The following NALF1 variants were observed in gnomAD, a reference collection of about 807,000 sequenced individuals.
NALF1 encodes family with sequence similarity 155 member A.
NALF1 carries 3 observed loss-of-function variants against 48.4 expected under a neutral mutation model. The ratio of observed to expected loss-of-function variants is 0.06; its 90% CI spans 0.03 to 0.16. NALF1 has a LOEUF of 0.16. NALF1 is among the 10% of genes least tolerant of loss of function. NALF1 has a pLI of 1.00. For missense variants in NALF1, 526 were observed against 571.5 expected, an observed-to-expected ratio of 0.92 and a Z score of 0.81; for synonymous variants, 262 against 245.7, an observed-to-expected ratio of 1.07 and a Z score of -0.62.
intron 1 of NALF1, among the ~76,000 whole-genome samples, chr13:107,482,047 G>T (rs1490227843): frequency 6.6e-6 from 1 of 152,106 alleles, no homozygotes; most frequent in Admixed American, 6.6e-5. Flanking sequence ...CACCTATCTA[G>T]ATGTCACTGT....
At chr13:107,709,341 G>A (rs919974473) in intron 1 of NALF1, among the ~76,000 whole-genome samples, 7 of 152,174 alleles carry the variant, frequency 4.6e-5, no homozygotes, top group East Asian at 1.9e-4. Flanking sequence ...TTGTTCATGC[G>A]TGTCAGCACG....
At chr13:107,608,531 AG>A (rs2138430102) in intron 1 of NALF1, among the ~76,000 whole-genome samples, 1 of 152,306 alleles carries the variant, frequency 6.6e-6, no homozygotes, top group African/African-American at 2.4e-5. Flanking sequence ...TGTTACTTAA[AG>A]GGGAGTTTTG....
intron 1 of NALF1, among the ~76,000 whole-genome samples, chr13:107,351,083 C>G (rs994547991): frequency 2.6e-5 from 4 of 152,182 alleles, no homozygotes; most frequent in Admixed American, 2.6e-4. Context: ...ATATCAGTGG[C>G]CGGTAAACCT....
rs575855777 is a variant in NALF1 at position 107,866,633 on chromosome 13, G to C, written c.-37C>G. The C allele has an allele frequency of 6.4e-7, 1 of 1,552,502 alleles. No individual in the cohort carries two copies. The highest frequency in any genetic ancestry group is 8.7e-7 in the Non-Finnish European group (1 of 1,152,234). ...GCACAGCCCTGGCCGACTCCACCGTGAGGGCGCCTGTGCCGGTGTCACCAC... is the reference window on the plus strand; with the variant it reads ...GCACAGCCCTGGCCGACTCCACCGTCAGGGCGCCTGTGCCGGTGTCACCAC... On this transcript the variant is annotated 5_prime_UTR_variant, in exon 1 of 3. It introduces an in-frame stop codon into an upstream open reading frame of the 5' UTR. Coordinates refer to ENST00000375915, the MANE Select transcript of NALF1 (RefSeq NM_001080396.3). The surrounding 1 kb of genome is among the most constrained non-coding windows in gnomAD (Gnocchi z 4.4).
chr13:107,248,214 C>T (rs973219869), intron 1 of NALF1, among the ~76,000 whole-genome samples: 19 of 148,982 alleles, frequency 1.3e-4, no homozygotes, highest in African/African-American at 3.5e-4. Context: ...CAAAGGAGAT[C>T]GTCATAGGGC....
chr13:107,818,057 T>C (rs1879225920), intron 1 of NALF1, among the ~76,000 whole-genome samples: 1 of 152,226 alleles, frequency 6.6e-6, no homozygotes, highest in South Asian at 2.1e-4. Context: ...TCTTGAATTC[T>C]CCCTTCAGGT....
chr13:107,578,491 G>A (rs950602201), intron 1 of NALF1, among the ~76,000 whole-genome samples: 1 of 152,022 alleles, frequency 6.6e-6, no homozygotes, highest in Non-Finnish European at 1.5e-5. Flanking sequence ...TGGAACAAAT[G>A]TTTTGAATTC....
intron 1 of NALF1, among the ~76,000 whole-genome samples, chr13:107,277,229 A>G (rs1881299114): frequency 1.3e-5 from 2 of 152,310 alleles, no homozygotes; most frequent in East Asian, 1.9e-4. Context: ...TTTGAAGACT[A>G]TATTTTAAAA....
chr13:107,314,262 C>T (rs1202674195), intron 1 of NALF1, among the ~76,000 whole-genome samples: 2 of 152,108 alleles, frequency 1.3e-5, no homozygotes, highest in African/African-American at 2.4e-5. Flanking sequence ...CTTTAGGCCC[C>T]CAGCTGGCCT....
chr13:107,464,173 T>G (rs1324018048), intron 1 of NALF1, among the ~76,000 whole-genome samples: 1 of 152,110 alleles, frequency 6.6e-6, no homozygotes, highest in Non-Finnish European at 1.5e-5. Flanking sequence ...GTTCCATGAA[T>G]GTCTATTTTT....
intron 1 of NALF1, among the ~76,000 whole-genome samples, chr13:107,608,593 T>A (rs1302584018): frequency 1.3e-5 from 2 of 152,134 alleles, no homozygotes; most frequent in Non-Finnish European, 2.9e-5. Flanking sequence ...ATTGGGTGGT[T>A]GGGGGAAGCC....
At chr13:107,784,440 G>GA (rs1160375677) in intron 1 of NALF1, among the ~76,000 whole-genome samples, 4 of 152,042 alleles carry the variant, frequency 2.6e-5, no homozygotes, top group Non-Finnish European at 5.9e-5. Flanking sequence ...ATATAGAATA[G>GA]AAAGCTCCTC....
chr13:107,818,669 G>C (rs994530969), intron 1 of NALF1, among the ~76,000 whole-genome samples: 1 of 148,644 alleles, frequency 6.7e-6, no homozygotes, highest in African/African-American at 2.5e-5. Context: ...TCAGGAGATC[G>C]AGACCATCCT....
At chr13:107,503,742 GGTGTGTGTGTTTGTGTGTGTGT>G (rs1363163936) in intron 1 of NALF1, among the ~76,000 whole-genome samples, 9 of 78,968 alleles carry the variant, frequency 1.1e-4, no homozygotes, top group Non-Finnish European at 2.1e-4. Flanking sequence ...ATGTGTGTCT[GGTGTGTGTGTTTGTGTGTGTGT>G]GTGTGTGTGT....
At chr13:107,501,550 A>G (rs190415168) in intron 1 of NALF1, among the ~76,000 whole-genome samples, 1 of 152,300 alleles carries the variant, frequency 6.6e-6, no homozygotes, top group African/African-American at 2.4e-5. Flanking sequence ...CATGTCAGGT[A>G]AACGGTATTT....
chr13:107,198,006 T>C (rs1316767979), intron 2 of NALF1, among the ~76,000 whole-genome samples: 1 of 152,166 alleles, frequency 6.6e-6, no homozygotes, highest in Non-Finnish European at 1.5e-5. Context: ...TATGAACCCA[T>C]AAAATAAGGC....
chr13:107,776,896 G>A (rs1353564319), intron 1 of NALF1, among the ~76,000 whole-genome samples: 4 of 152,116 alleles, frequency 2.6e-5, no homozygotes, highest in Non-Finnish European at 5.9e-5. Context: ...TTTAAGACCA[G>A]CCTGGGCAAT....
chr13:107,246,332 G>A (rs1880583890), intron 1 of NALF1, among the ~76,000 whole-genome samples: 1 of 152,042 alleles, frequency 6.6e-6, no homozygotes, highest in Non-Finnish European at 1.5e-5. Flanking sequence ...ATTAAGTTGT[G>A]ATTTTATTAT....
intron 1 of NALF1, among the ~76,000 whole-genome samples, chr13:107,821,773 C>A (rs1489737074): frequency 6.6e-6 from 1 of 152,088 alleles, no homozygotes; most frequent in Non-Finnish European, 1.5e-5. Context: ...ATTATGTTAA[C>A]AACAAAGTAA....
Sources: allele counts gnomAD v4.1 joint callset (sites outside exome capture counted in the v4.1 genomes callset), GRCh38; gene constraint gnomAD v4.1.1; non-coding constraint Gnocchi (gnomAD v3.1); transcripts MANE v1.5; gene names NCBI Gene and HGNC (gene_info 2026-07-23, HGNC 2026-07-21).